CASZ1: variants seen among roughly 807,000 people sequenced by gnomAD.
CASZ1 encodes the protein castor zinc finger 1.
Under a neutral mutation model 135.2 loss-of-function variants are expected in CASZ1, and 28 were observed. The observed-to-expected ratio is 0.21, with a 90% CI of 0.15 to 0.28. The LOEUF is 0.28. Among genes scored for constraint, CASZ1 ranks in the 10% least tolerant of loss-of-function variants. The pLI is 1.00. For synonymous variants in CASZ1, 1,068 were observed against 1,073.4 expected, an observed-to-expected ratio of 0.99 and a Z score of 0.10; for missense variants, 2,161 against 2,453.3, an observed-to-expected ratio of 0.88 and a Z score of 2.52.
chr1:10,789,412 C>A (rs1183094983), intron 1 of CASZ1, among the ~76,000 whole-genome samples: 1 of 150,466 alleles, frequency 6.6e-6, no homozygotes, highest in Non-Finnish European at 1.5e-5. Context: ...CCTCAAGACT[C>A]CTCTCACCTT....
intron 1 of CASZ1, among the ~76,000 whole-genome samples, chr1:10,780,756 A>G (rs1281069404): frequency 6.6e-6 from 1 of 152,132 alleles, no homozygotes; most frequent in African/African-American, 2.4e-5. Context: ...GAGTCAGATC[A>G]ACCAGCGTTG....
Position 10,693,864 on chromosome 1 carries a change from C to G in CASZ1, c.16+10G>C, listed in dbSNP as rs1349881189. ...GAAAGAGCCGCCCCTGCGTTCCCACCGGCCGGTACCTGTTCCAAGATCCAT... is the reference window on the plus strand; with the variant it reads ...GAAAGAGCCGCCCCTGCGTTCCCACGGGCCGGTACCTGTTCCAAGATCCAT... On this transcript the variant is annotated intron_variant, in intron 4 of 20. Coordinates refer to ENST00000377022, the MANE Select transcript of CASZ1 (RefSeq NM_001079843.3). 6.2e-7 allele frequency: 1 copy of G among 1,612,720 alleles called. No homozygotes were observed. The highest frequency in any genetic ancestry group is 2.2e-5 in the East Asian group (1 of 44,814).
intron 7 of CASZ1, 181 bp downstream of exon 7, chr1:10,658,327 G>C: frequency 1.6e-6 from 1 of 607,104 alleles, no homozygotes; most frequent in Non-Finnish European, 3.0e-6. Context: ...AGCGGAGGGA[G>C]GCTCCCAAAC....
At position 10,694,812 on chromosome 1, in the gene CASZ1, C is replaced by CGGGAGGGGACCCGGCGCG. The variant is rs1638889152; in HGVS notation, c.-23-918_-23-901dup. Among the ~76,000 whole-genome samples the CGGGAGGGGACCCGGCGCG allele has an allele frequency of 6.9e-6, 1 of 144,638 alleles. No individual in the cohort carries two copies. Among genetic ancestry groups the CGGGAGGGGACCCGGCGCG allele is most frequent in the African/African-American group, 2.5e-5 (1 of 40,494 alleles). 94.9% of individuals were successfully genotyped at this position (144,638 alleles called of 152,430 possible). Reference sequence around the variant, plus strand: ...GGCGGGGACTTGCGCTCAGGGCTGGCGGGAGGGGACCCGGCGCGGGGCGGG... The same window carrying CGGGAGGGGACCCGGCGCG: ...GGCGGGGACTTGCGCTCAGGGCTGGCGGGAGGGGACCCGGCGCGGGGAGGGGACCCGGCGCGGGGCGGG... On this transcript the variant is annotated intron_variant, in intron 3 of 20. Coordinates refer to ENST00000377022, the MANE Select transcript of CASZ1 (RefSeq NM_001079843.3). The surrounding 1 kb of genome is among the most constrained non-coding windows in gnomAD (Gnocchi z 6.6).
intron 2 of CASZ1, among the ~76,000 whole-genome samples, chr1:10,738,656 A>G (rs1396931918): frequency 2.0e-5 from 3 of 152,206 alleles, no homozygotes; most frequent in African/African-American, 4.8e-5. Context: ...GGCCCTTTGC[A>G]GGGAGGACAC....
chr1:10,663,142 C>T (rs1643104900), intron 5 of CASZ1, among the ~76,000 whole-genome samples: 1 of 152,202 alleles, frequency 6.6e-6, no homozygotes, highest in Non-Finnish European at 1.5e-5. Flanking sequence ...GGCGGCAGGA[C>T]CCCAGGCTGA....
chr1:10,778,995 A>G (rs968082344), intron 1 of CASZ1, among the ~76,000 whole-genome samples: 1 of 152,252 alleles, frequency 6.6e-6, no homozygotes, highest in African/African-American at 2.4e-5. Context: ...CAAAAGGCCA[A>G]GACCACTGCA....
intron 11 of CASZ1, chr1:10,652,951 C>T: frequency 4.0e-6 from 1 of 249,404 alleles, no homozygotes; most frequent in South Asian, 4.2e-5. Context: ...GGTGCAGCCC[C>T]ACTACCGCTG....
rs752486243 is a variant in CASZ1 at position 10,735,789 on chromosome 1, G to A, written c.-77+24912C>T. On this transcript the variant is annotated intron_variant, in intron 2 of 20. Coordinates refer to ENST00000377022, the MANE Select transcript of CASZ1 (RefSeq NM_001079843.3). The surrounding 1 kb of genome is among the most constrained non-coding windows in gnomAD (Gnocchi z 5.1). ...TCATCTGACAGGCCATCAGTGCCTC[G>A]CTCTGGGCTGCACCAAGGGGACACT... 1.3e-5 allele frequency among the ~76,000 whole-genome samples: 2 copies of A among 152,142 alleles called. No homozygotes were observed. Among genetic ancestry groups the A allele is most frequent in the African/African-American group, 4.8e-5 (2 of 41,398 alleles).
chr1:10,732,618 G>T, intron 2 of CASZ1, among the ~76,000 whole-genome samples: 1 of 152,158 alleles, frequency 6.6e-6, no homozygotes, highest in East Asian at 1.9e-4. Context: ...ATTCAACCTC[G>T]GGCAGGATGG....
chr1:10,643,421 G>A, intron 18 of CASZ1, 110 bp from the exon 19 acceptor site: 1 of 1,197,896 alleles, frequency 8.3e-7, no homozygotes, highest in Admixed American at 2.3e-5. Context: ...CAGTAAGGCA[G>A]ATGGTATCTG....
At chr1:10,783,618 A>T (rs1194122292) in intron 1 of CASZ1, among the ~76,000 whole-genome samples, 1 of 152,070 alleles carries the variant, frequency 6.6e-6, no homozygotes, top group Non-Finnish European at 1.5e-5. Flanking sequence ...CATGCCTGTA[A>T]TCCCAGCGCT....
chr1:10,664,045 T>G (rs931625132), intron 5 of CASZ1, among the ~76,000 whole-genome samples: 3 of 152,236 alleles, frequency 2.0e-5, no homozygotes, highest in Admixed American at 6.5e-5. Flanking sequence ...CAGAGGAAAC[T>G]GAAGGTCACA....
intron 2 of CASZ1, among the ~76,000 whole-genome samples, chr1:10,722,690 C>T (rs1199442960): frequency 6.6e-6 from 1 of 152,254 alleles, no homozygotes; most frequent in African/African-American, 2.4e-5. Flanking sequence ...TCCATGTCTG[C>T]CCCCAGCAGA....
intron 2 of CASZ1, among the ~76,000 whole-genome samples, chr1:10,738,392 C>T (rs1028079970): frequency 1.1e-4 from 16 of 152,340 alleles, no homozygotes; most frequent in Admixed American, 5.2e-4. Flanking sequence ...TGGCCAAAGG[C>T]CCAGGCCAGT....
At position 10,724,614 on chromosome 1, in the gene CASZ1, T is replaced by C. The variant is rs888335885; in HGVS notation, c.-76-19070A>G. On this transcript the variant is annotated intron_variant, in intron 2 of 20. Coordinates refer to ENST00000377022, the MANE Select transcript of CASZ1 (RefSeq NM_001079843.3). The surrounding 1 kb of genome is among the most constrained non-coding windows in gnomAD (Gnocchi z 4.1). ...GGGCTCAGGGAGTGGGAGCAGAGAG[T>C]GTTAGAGGTTAGAGAAGCACTTCTC... Among the ~76,000 whole-genome samples, 1 of 150,646 alleles carries C rather than the reference T, an allele frequency of 6.6e-6. No homozygotes were observed. The highest frequency in any genetic ancestry group is 6.6e-5 in the Admixed American group (1 of 15,144).
rs1326716928 is a variant in CASZ1, at chr1:10,725,102, G to A, written c.-76-19558C>T. Among the ~76,000 whole-genome samples, 1 of 152,228 alleles carries A rather than the reference G, an allele frequency of 6.6e-6. No individual in the cohort carries two copies. Among genetic ancestry groups the A allele is most frequent in the African/African-American group, 2.4e-5 (1 of 41,458 alleles). ...TGGCTGTTCTTCCCTGGAGGGAGGG[G>A]GCTTGGGCTCCCCTCGGTGGGGGTA... On this transcript the variant is annotated intron_variant, in intron 2 of 20. Transcript: ENST00000377022. The surrounding 1 kb of genome is among the most constrained non-coding windows in gnomAD (Gnocchi z 4.4).
rs950926861 is a variant in CASZ1, at chr1:10,665,393, C to T, written c.195G>A (p.Glu65=). 6.2e-7 allele frequency: 1 copy of T among 1,612,866 alleles called. No homozygotes were observed. The highest frequency in any genetic ancestry group is 1.1e-5 in the South Asian group (1 of 90,976). Residue 65 remains glutamate, a synonymous_variant, in exon 5 of 21, where the codon GAG becomes GAA. Transcript: ENST00000377022. ...EGSPSQPRDQ[E]RSGPESGAAR... is the part of the protein sequence containing the mutation. ...CTGCCCCAGACTCAGGGCCACTGCG[C>T]TCTTGGTCCCGGGGCTGCGATGGGC... is the stretch of plus-strand genomic sequence containing the variant.
intron 1 of CASZ1, among the ~76,000 whole-genome samples, chr1:10,795,496 C>A (rs992131312): frequency 1.1e-4 from 17 of 152,270 alleles, no homozygotes; most frequent in African/African-American, 3.9e-4. Context: ...AGAGCCCCCC[C>A]GGAGCGCACC....
Sources: gnomAD v4.1 joint callset for allele counts (sites outside exome capture counted in the v4.1 genomes callset) on GRCh38, gnomAD v4.1.1 for gene constraint, Gnocchi (gnomAD v3.1) non-coding constraint, MANE v1.5 for transcripts, NCBI Gene and HGNC (gene_info 2026-07-23, HGNC 2026-07-21) for gene names.